The following DMD variants were observed in gnomAD, a reference collection of about 807,000 sequenced individuals.
DMD encodes mutant dystrophin.
Under a neutral mutation model 330.1 loss-of-function variants are expected in DMD, and 63 were observed. The ratio of observed to expected loss-of-function variants is 0.19; its 90% confidence interval spans 0.16 to 0.24. The LOEUF (loss-of-function observed/expected upper bound fraction) is 0.24, where lower values mean the gene tolerates loss of function less well. Among genes scored for constraint, DMD ranks in the 10% least tolerant of loss-of-function variants. DMD has a pLI of 1.00. For synonymous variants in DMD, 1,223 were observed against 959.8 expected (o/e 1.27, Z -5.07); for missense variants, 3,344 against 2,684.1 (o/e 1.25, Z -5.43).
chrX:33,061,087 G>A (rs184839152), intron 1 of DMD, among the ~76,000 whole-genome samples: 2 of 112,076 alleles, frequency 1.8e-5, no homozygotes, highest in African/African-American at 6.5e-5. Flanking sequence ...TGGAAATGCT[G>A]TTCTAGACTC....
chrX:31,861,095 G>C (rs1201241622), intron 48 of DMD, among the ~76,000 whole-genome samples: 1 of 111,632 alleles, frequency 9.0e-6, no homozygotes, highest in Non-Finnish European at 1.9e-5. Flanking sequence ...ATTTGCCTTA[G>C]TAAGAAAGAG....
At chrX:31,258,111 G>A (rs893268169) in intron 63 of DMD, among the ~76,000 whole-genome samples, 2 of 112,270 alleles carry the variant, frequency 1.8e-5, no homozygotes, top group South Asian at 3.7e-4. Flanking sequence ...TCCTATATAC[G>A]TGTAGCAGGT....
At chrX:32,107,341 T>C (rs1251928493) in intron 44 of DMD, among the ~76,000 whole-genome samples, 8 of 19,489 alleles carry the variant, frequency 4.1e-4, no homozygotes, top group Non-Finnish European at 1.1e-3. Context: ...TAATTATATG[T>C]GTGTGTGTGT....
intron 7 of DMD, among the ~76,000 whole-genome samples, chrX:32,750,036 CTTAT>C (rs944310552): frequency 5.4e-5 from 6 of 112,006 alleles, no homozygotes; most frequent in Non-Finnish European, 9.4e-5. Flanking sequence ...GACGCCTTGC[CTTAT>C]TTGTCACTTT....
At chrX:33,267,022 A>T (rs939496711) in intron 1 of DMD, among the ~76,000 whole-genome samples, 1 of 110,879 alleles carries the variant, frequency 9.0e-6, no homozygotes, top group African/African-American at 3.3e-5. Context: ...AAAGAAATAA[A>T]ATGCATCCAA....
intron 45 of DMD, among the ~76,000 whole-genome samples, chrX:31,947,096 T>TACAGTGGATAATGAGGAAC (rs1472073723): frequency 9.0e-6 from 1 of 111,587 alleles, no homozygotes; most frequent in Non-Finnish European, 1.9e-5. Flanking sequence ...AAACCTTAAA[T>TACAGTGGATAATGAGGAAC]ACAGTGGATA....
At chrX:32,506,495 T>G (rs983103619) in intron 18 of DMD, among the ~76,000 whole-genome samples, 9 of 109,612 alleles carry the variant, frequency 8.2e-5, no homozygotes, top group Admixed American at 1.9e-4. Flanking sequence ...AAATACTAAT[T>G]AAAACTGAGA....
At chrX:31,279,858 C>T (rs1004717589) in intron 62 of DMD, among the ~76,000 whole-genome samples, 3 of 112,610 alleles carry the variant, frequency 2.7e-5, no homozygotes, top group African/African-American at 9.7e-5. Context: ...TTCTGTACAG[C>T]CTCTCAGCTA....
chrX:32,787,241 T>C (rs866344988), intron 7 of DMD, among the ~76,000 whole-genome samples: 1 of 96,180 alleles, frequency 1.0e-5, no homozygotes, highest in Non-Finnish European at 2.2e-5. Flanking sequence ...TGTGTGTGTG[T>C]GTGTGTGAGA....
chrX:32,746,960 T>C (rs2070109546), intron 7 of DMD, among the ~76,000 whole-genome samples: 1 of 112,064 alleles, frequency 8.9e-6, no homozygotes, highest in East Asian at 2.8e-4. Context: ...CTTGTGATAT[T>C]TATCTCTTCG....
chrX:32,822,115 C>T (rs1355568381), intron 5 of DMD, among the ~76,000 whole-genome samples: 2 of 111,659 alleles, frequency 1.8e-5, no homozygotes, highest in African/African-American at 3.3e-5. Context: ...TTCTCAGCCT[C>T]CAAATTTTTT....
At chrX:31,786,035 C>T (rs1422379741) in intron 50 of DMD, among the ~76,000 whole-genome samples, 1 of 111,970 alleles carries the variant, frequency 8.9e-6, no homozygotes, top group African/African-American at 3.2e-5. Context: ...CACGGTCTTC[C>T]ACAATGGTTG....
chrX:31,620,791 A>C (rs2078488729), intron 55 of DMD, among the ~76,000 whole-genome samples: 1 of 111,549 alleles, frequency 9.0e-6, no homozygotes, highest in Non-Finnish European at 1.9e-5. Flanking sequence ...GGGTCCCTAT[A>C]ACTGTCTTTT....
At chrX:32,464,752 C>A in intron 23 of DMD, 53 bp from the exon 24 acceptor site, 1 of 858,046 alleles carries the variant, frequency 1.2e-6, no homozygotes, top group South Asian at 2.0e-5. Context: ...ACTTTTAACA[C>A]AATTCATCAT....
intron 1 of DMD, among the ~76,000 whole-genome samples, chrX:33,199,828 GACA>G (rs2051164463): frequency 9.0e-6 from 1 of 111,126 alleles, no homozygotes; most frequent in Admixed American, 9.6e-5. Context: ...TCTTAAAGAC[GACA>G]ACATTTTTAA....
At chrX:33,047,348 A>C (rs1401708188) in intron 1 of DMD, among the ~76,000 whole-genome samples, 2 of 111,581 alleles carry the variant, frequency 1.8e-5, no homozygotes, top group Non-Finnish European at 3.8e-5. Flanking sequence ...ATTCGATTGT[A>C]TTTTCATTCT....
chrX:32,782,841 C>T (rs2074915238), intron 7 of DMD, among the ~76,000 whole-genome samples: 1 of 107,344 alleles, frequency 9.3e-6, no homozygotes, highest in Admixed American at 1.0e-4. Flanking sequence ...ATGCCTCTAT[C>T]AAAACATCTC....
At chrX:32,548,178 A>T (rs1017552457) in intron 16 of DMD, among the ~76,000 whole-genome samples, 5 of 111,437 alleles carry the variant, frequency 4.5e-5, no homozygotes, top group African/African-American at 1.3e-4. Context: ...TATATTCACT[A>T]TAGGACATTC....
intron 71 of DMD, 133 bp downstream of exon 71, chrX:31,177,799 G>T: frequency 6.9e-6 from 4 of 583,274 alleles, no homozygotes; most frequent in Non-Finnish European, 1.1e-5. Context: ...AAACTGAAAT[G>T]AAGGAAGGGG....
Sources: gnomAD v4.1 joint callset for allele counts (sites outside exome capture counted in the v4.1 genomes callset) on GRCh38, gnomAD v4.1.1 for gene constraint, MANE v1.5 for transcripts, NCBI Gene and HGNC (gene_info 2026-07-23, HGNC 2026-07-21) for gene names.